The following CLTC variants were observed in gnomAD, a reference collection of about 807,000 sequenced individuals.
CLTC encodes clathrin heavy chain, also known as clathrin heavy chain 1.
CLTC carries 16 observed loss-of-function variants against 195.8 expected under a neutral mutation model. That is an observed-to-expected ratio of 0.08 (90% CI 0.06 to 0.12). CLTC has a LOEUF of 0.12. Ranked by LOEUF, CLTC falls within the 10% of genes least tolerant of loss-of-function variation. The pLI is 1.00. For missense variants in CLTC, 796 were observed against 2,027.0 expected (o/e 0.39, Z 11.66); for synonymous variants, 667 against 689.4 (o/e 0.97, Z 0.51).
At chr17:59,630,294 G>C (rs893087671) in intron 1 of CLTC, among the ~76,000 whole-genome samples, 1 of 152,136 alleles carries the variant, frequency 6.6e-6, no homozygotes, top group Non-Finnish European at 1.5e-5. Flanking sequence ...GAGCCACTGT[G>C]CCTGGCCTAA....
At chr17:59,640,205 G>T (rs2031987971) in intron 1 of CLTC, among the ~76,000 whole-genome samples, 1 of 152,170 alleles carries the variant, frequency 6.6e-6, no homozygotes, top group Admixed American at 6.5e-5. Context: ...GTTAATAAGA[G>T]TGACTTGTCC....
intron 8 of CLTC, among the ~76,000 whole-genome samples, chr17:59,663,147 A>C (rs2032648897): frequency 6.6e-6 from 1 of 152,224 alleles, no homozygotes; most frequent in Non-Finnish European, 1.5e-5. Flanking sequence ...TATCATTTAT[A>C]AGAGCTAGTC....
chr17:59,666,959 T>C lies in CLTC; in HGVS notation c.2110T>C (p.Ser704Pro). 3 of 1,612,828 alleles carry C rather than the reference T, an allele frequency of 1.9e-6. No individual in the cohort carries two copies. The highest frequency in any genetic ancestry group is 1.1e-5 in the South Asian group (1 of 90,714). Residue 704 changes from serine to proline, a missense_variant, in exon 13 of 32, where the codon TCT (serine) becomes CCT (proline). Physicochemically the swap from Ser to Pro is moderately conservative, Grantham distance 74 (BLOSUM62 -1). This residue lies in a region of CLTC where 19 missense variants were observed against 35.7 expected (regional missense o/e 0.53). Transcript: ENST00000269122. This position sits in a 1 kb window ranked among gnomAD's most constrained non-coding sequence, Gnocchi z 4.9. ...TCAGTCTCTGATTGAACTTTTTGAA[T>C]CTTTCAAGAGTTTTGAAGGTAATTA... is the stretch of plus-strand genomic sequence containing the variant. ...STQSLIELFE[S>P]FKSFEGLFYF...
At position 59,685,675 on chromosome 17, in the gene CLTC, G is replaced by A; in HGVS notation, c.4694G>A (p.Cys1565Tyr). The A allele has an allele frequency of 6.2e-7, 1 of 1,614,100 alleles. No homozygotes were observed. The highest frequency in any genetic ancestry group is 8.5e-7 in the Non-Finnish European group (1 of 1,179,986). The part of the protein sequence containing the change: ...QWFLQEEKRE[C>Y]FGACLFTCYD... ...TTTTTGCAGGAAGAAAAAAGAGAGT[G>A]CTTTGGAGCTTGTCTGTTTACCTGT... The change falls in exon 30 of 32, where the codon TGC becomes TAC. Residue 1565 changes from cysteine (C) to tyrosine (Y), a missense_variant. Physicochemically the swap from Cys to Tyr is radical, Grantham distance 194 (BLOSUM62 -2). Coordinates refer to ENST00000269122, the MANE Select transcript of CLTC (RefSeq NM_004859.4). The surrounding 1 kb of genome is among the most constrained non-coding windows in gnomAD (Gnocchi z 5.0).
intron 1 of CLTC, among the ~76,000 whole-genome samples, chr17:59,623,726 C>T (rs930710871): frequency 1.3e-5 from 2 of 152,080 alleles, no homozygotes; most frequent in African/African-American, 4.8e-5. Context: ...GTCATTGTTA[C>T]CGTTGTGGCT....
chr17:59,643,184 AATTT>A (rs1425302768), intron 1 of CLTC, among the ~76,000 whole-genome samples: 1 of 143,798 alleles, frequency 7.0e-6, no homozygotes, highest in Non-Finnish European at 1.5e-5. Context: ...GTACCATGCG[AATTT>A]ATTATATTAC....
At position 59,685,812 on chromosome 17, in the gene CLTC, A is replaced by C; in HGVS notation, c.4827+4A>C. ...CATGAAGGAGTACTTGACAAAGGTA[A>C]TGACTCTTCTAAGTGTATTCAGAAC... On this transcript the variant is annotated splice_donor_region_variant and intron_variant, in intron 30 of 31. Coordinates refer to ENST00000269122, the MANE Select transcript of CLTC (RefSeq NM_004859.4). The surrounding 1 kb of genome is among the most constrained non-coding windows in gnomAD (Gnocchi z 5.0). 1 of 1,608,718 alleles carries C rather than the reference A, an allele frequency of 6.2e-7. No homozygotes were observed. The highest frequency in any genetic ancestry group is 1.1e-5 in the South Asian group (1 of 90,820).
intron 1 of CLTC, among the ~76,000 whole-genome samples, chr17:59,624,724 C>T (rs1414786781): frequency 6.6e-6 from 1 of 152,122 alleles, no homozygotes; most frequent in Non-Finnish European, 1.5e-5. Context: ...CCACCTCGAC[C>T]TCCCAAAGTG....
chr17:59,679,615 A>T, intron 18 of CLTC, 96 bp downstream of exon 18: 1 of 1,106,052 alleles, frequency 9.0e-7, no homozygotes, highest in Non-Finnish European at 1.2e-6. Flanking sequence ...CAAATGGATC[A>T]TATATAACTA....
chr17:59,661,376 C>G lies in CLTC; in HGVS notation c.1168-67C>G, dbSNP rs150604178. The G allele has an allele frequency of 1.0e-3, 1,316 of 1,283,688 alleles. 18 individuals are homozygous for G. In the African/African-American group the frequency reaches 0.017, roughly 16 times the overall value. The allele number at this position is 1,283,688 out of a possible 1,614,324, so 79.5% of individuals were successfully genotyped here. On this transcript the variant is annotated intron_variant, in intron 7 of 31. Coordinates refer to ENST00000269122, the MANE Select transcript of CLTC (RefSeq NM_004859.4). Reference sequence around the variant, plus strand: ...TTTAGTGTGATGTTTGGATCACTTTCGAAGAGCGTTTAACATTTCTCCTTC... The same window carrying G: ...TTTAGTGTGATGTTTGGATCACTTTGGAAGAGCGTTTAACATTTCTCCTTC...
In CLTC at chr17:59,674,781, T is replaced by C. The variant is rs779029271; in HGVS notation, c.2499T>C (p.Ile833=). Residue 833 remains isoleucine, a synonymous_variant, in exon 16 of 32, where the codon ATT becomes ATC. Coordinates refer to ENST00000269122, the MANE Select transcript of CLTC (RefSeq NM_004859.4). ...CTGAAGATGTCATAAAAAACTTGAT[T>C]CTTGTTGTAAGAGGTCAATTCTCTA... The part of the protein sequence containing the change: ...DCSEDVIKNL[I]LVVRGQFSTD... The C allele has an allele frequency of 6.2e-7, 1 of 1,613,454 alleles. No homozygotes were observed. Among genetic ancestry groups the C allele is most frequent in the African/African-American group, 1.3e-5 (1 of 74,884 alleles).
rs1410437544 is a variant in CLTC, at chr17:59,683,863, T to C, written c.4324-12T>C. 1 of 1,612,454 alleles carries C rather than the reference T, an allele frequency of 6.2e-7. No individual in the cohort carries two copies. Among genetic ancestry groups the C allele is most frequent in the Non-Finnish European group, 8.5e-7 (1 of 1,178,750 alleles). ...AATGTGCTATATTTGTAACAAACTC[T>C]TTATTTTAAAGGTTAAACAGCTACC... On this transcript the variant is annotated splice_polypyrimidine_tract_variant and intron_variant, in intron 27 of 31. Coordinates refer to ENST00000269122, the MANE Select transcript of CLTC (RefSeq NM_004859.4). This position sits in a 1 kb window ranked among gnomAD's most constrained non-coding sequence, Gnocchi z 6.1.
chr17:59,635,098 GA>G (rs1275623225), intron 1 of CLTC, among the ~76,000 whole-genome samples: 297 of 152,300 alleles, frequency 2.0e-3, no homozygotes, highest in African/African-American at 6.9e-3. Context: ...TCAGATTGTT[GA>G]CCTATTAACT....
chr17:59,663,136 A>G (rs2032648479), intron 8 of CLTC, among the ~76,000 whole-genome samples: 1 of 152,230 alleles, frequency 6.6e-6, no homozygotes, highest in African/African-American at 2.4e-5. Flanking sequence ...TTGGCACTAA[A>G]TATCATTTAT....
chr17:59,674,861 CAG>C lies in CLTC; in HGVS notation c.2561+19_2561+20del. 6.2e-7 allele frequency: 1 copy of C among 1,607,876 alleles called. No individual in the cohort carries two copies. The highest frequency in any genetic ancestry group is 8.5e-7 in the Non-Finnish European group (1 of 1,177,152). On this transcript the variant is annotated intron_variant, in intron 16 of 31. Transcript: ENST00000269122. ...AGAAACAGGTGTAGTACCATTTTAA[CAG>C]GGATAAGTTACTCTTTCTTAACATG... is the stretch of plus-strand genomic sequence containing the variant.
intron 1 of CLTC, among the ~76,000 whole-genome samples, chr17:59,630,410 T>C (rs1016118427): frequency 3.9e-5 from 6 of 152,212 alleles, no homozygotes; most frequent in Non-Finnish European, 5.9e-5. Flanking sequence ...TCAAAACTTT[T>C]TCAATTGCGA....
chr17:59,680,847 G>T, intron 18 of CLTC, 65 bp from the exon 19 acceptor site: 3 of 1,353,850 alleles, frequency 2.2e-6, no homozygotes, highest in African/African-American at 1.5e-5. Context: ...CTAATGAGAG[G>T]CCAACTTACG....
Position 59,696,119 on chromosome 17 carries a change from C to G in CLTC, c.*2267C>G, listed in dbSNP as rs11657780. The G allele has an allele frequency of 4.6e-6, 1 of 215,708 alleles. No homozygotes were observed. Among genetic ancestry groups the G allele is most frequent in the Non-Finnish European group, 9.3e-6 (1 of 107,130 alleles). 13.4% of individuals were successfully genotyped at this position (215,708 alleles called of 1,614,324 possible). On this transcript the variant is annotated 3_prime_UTR_variant, in exon 32 of 32. Transcript: ENST00000269122. ...ATCTGAGGCAAACCTCAGAAATTAC[C>G]TGAGCCAGAATCATGCACTTAGCAC...
chr17:59,679,637 A>T, intron 18 of CLTC, 118 bp downstream of exon 18: 2 of 853,528 alleles, frequency 2.3e-6, no homozygotes, highest in Non-Finnish European at 3.3e-6. Flanking sequence ...GAGAGAAAGC[A>T]ATACAAAGTA....
Sources: gnomAD v4.1 joint callset for allele counts (sites outside exome capture counted in the v4.1 genomes callset) on GRCh38, gnomAD v4.1.1 for gene constraint, gnomAD v4.1.1 regional missense constraint, Gnocchi (gnomAD v3.1) non-coding constraint, MANE v1.5 for transcripts, NCBI Gene and HGNC (gene_info 2026-07-23, HGNC 2026-07-21) for gene names.